RBFOX1: variants seen among roughly 807,000 people sequenced by gnomAD.
RBFOX1 encodes RNA binding protein fox-1 homolog 1.
In RBFOX1, 8 loss-of-function variants were observed where a neutral mutation model predicts 57.7. That is an observed-to-expected ratio of 0.14 (90% CI 0.08 to 0.25). The LOEUF (loss-of-function observed/expected upper bound fraction) is 0.25. RBFOX1 is among the 10% of genes least tolerant of loss of function. RBFOX1 has a pLI of 1.00. For synonymous variants in RBFOX1, 326 were observed against 222.4 expected (o/e 1.47, Z -4.15); for missense variants, 611 against 548.5 (o/e 1.11, Z -1.14).
At chr16:6,691,077 G>A (rs1334393409) in intron 3 of RBFOX1, among the ~76,000 whole-genome samples, 5 of 152,034 alleles carry the variant, frequency 3.3e-5, no homozygotes, top group Admixed American at 6.6e-5. Flanking sequence ...TTAACATGAC[G>A]ATGTCACTGT....
At chr16:7,071,316 T>C (rs1314050936) in intron 4 of RBFOX1, among the ~76,000 whole-genome samples, 1 of 152,128 alleles carries the variant, frequency 6.6e-6, no homozygotes, top group Admixed American at 6.5e-5. Context: ...GGTAGGTATA[T>C]GTAATTATAA....
chr16:7,298,562 G>A (rs2095955403), intron 4 of RBFOX1, among the ~76,000 whole-genome samples: 1 of 152,068 alleles, frequency 6.6e-6, no homozygotes, highest in African/African-American at 2.4e-5. Flanking sequence ...AAAGTGCCGG[G>A]ATTACAGGCA....
intron 1 of RBFOX1, among the ~76,000 whole-genome samples, chr16:6,202,931 C>T (rs2097224835): frequency 6.6e-6 from 1 of 151,986 alleles, no homozygotes; most frequent in Admixed American, 6.6e-5. Flanking sequence ...TGCCACCATG[C>T]CTGGATAATT....
intron 3 of RBFOX1, among the ~76,000 whole-genome samples, chr16:5,759,183 C>G (rs536563716): frequency 1.3e-5 from 2 of 152,088 alleles, no homozygotes; most frequent in African/African-American, 4.8e-5. Flanking sequence ...ACTTCCTATC[C>G]ACGAAGGCAA....
At chr16:6,297,735 C>G (rs1160752660) in intron 1 of RBFOX1, among the ~76,000 whole-genome samples, 2 of 151,952 alleles carry the variant, frequency 1.3e-5, no homozygotes, top group East Asian at 1.9e-4. Flanking sequence ...AAGAGACAAA[C>G]AGAAGGGCAG....
intron 3 of RBFOX1, among the ~76,000 whole-genome samples, chr16:6,813,338 C>G (rs1163850997): frequency 2.0e-5 from 3 of 152,186 alleles, no homozygotes; most frequent in Non-Finnish European, 4.4e-5. Context: ...TGACCACATT[C>G]ATGTAACTGC....
chr16:7,339,699 C>T (rs1210539628), intron 4 of RBFOX1, among the ~76,000 whole-genome samples: 1 of 152,206 alleles, frequency 6.6e-6, no homozygotes, highest in Non-Finnish European at 1.5e-5. Context: ...TTCAGCCTCC[C>T]AAAATGCTGG....
chr16:6,771,921 G>A (rs2078362590), intron 3 of RBFOX1, among the ~76,000 whole-genome samples: 1 of 152,156 alleles, frequency 6.6e-6, no homozygotes, highest in Admixed American at 6.5e-5. Context: ...GGCCGGAAGA[G>A]GTTATCTCCT....
At chr16:7,154,456 G>T (rs2076694881) in intron 4 of RBFOX1, among the ~76,000 whole-genome samples, 1 of 152,220 alleles carries the variant, frequency 6.6e-6, no homozygotes, top group Non-Finnish European at 1.5e-5. Flanking sequence ...TCTTTCCTAA[G>T]ATTTACCTGA....
intron 3 of RBFOX1, among the ~76,000 whole-genome samples, chr16:5,711,055 A>G (rs2051470170): frequency 6.6e-6 from 1 of 152,206 alleles, no homozygotes. Context: ...AGGGTGTTTG[A>G]TCTGGAAGGG....
At chr16:6,514,929 G>A (rs996938952) in intron 2 of RBFOX1, among the ~76,000 whole-genome samples, 4 of 151,948 alleles carry the variant, frequency 2.6e-5, no homozygotes, top group Admixed American at 6.6e-5. Flanking sequence ...GGAGAATGAG[G>A]ACATGAAGGA....
At chr16:5,420,880 T>TCCCCCCTCCTCCTCTCCCTCCCTC (rs112226339) in intron 1 of RBFOX1, among the ~76,000 whole-genome samples, 1 of 98,950 alleles carries the variant, frequency 1.0e-5, no homozygotes, top group Non-Finnish European at 2.0e-5. Context: ...TCTCCCTCCC[T>TCCCCCCTCCTCCTCTCCCTCCCTC]CCCCCTCCTC....
At chr16:6,509,518 G>A (rs557667152) in intron 2 of RBFOX1, among the ~76,000 whole-genome samples, 7 of 152,266 alleles carry the variant, frequency 4.6e-5, no homozygotes, top group African/African-American at 1.7e-4. Context: ...AAAGTAGAAG[G>A]ATGGTTACCA....
intron 4 of RBFOX1, among the ~76,000 whole-genome samples, chr16:5,993,027 C>T (rs184827589): frequency 6.6e-6 from 1 of 152,160 alleles, no homozygotes; most frequent in Non-Finnish European, 1.5e-5. Flanking sequence ...GCTGGGGGAC[C>T]CTGGGCTTGA....
rs73490688 is a variant in RBFOX1, at chr16:7,634,985, G to A, written c.757+4302G>A. On this transcript the variant is annotated intron_variant, in intron 11 of 15. Coordinates refer to ENST00000550418, the MANE Select transcript of RBFOX1 (RefSeq NM_018723.4). ...CAACCCCTTAACAGAAAGGTTTAGT[G>A]AAATGGGCAGGGCTGCTTGGTATGT... 4.0e-3 allele frequency among the ~76,000 whole-genome samples: 609 copies of A among 152,346 alleles called. 4 individuals are homozygous for A. Among genetic ancestry groups the A allele is most frequent in the African/African-American group, 0.014 (565 of 41,584 alleles).
At chr16:7,410,938 ATTAT>A (rs951843103) in intron 4 of RBFOX1, among the ~76,000 whole-genome samples, 21 of 151,258 alleles carry the variant, frequency 1.4e-4, no homozygotes, top group African/African-American at 1.9e-4. Context: ...ATCAACTTGA[ATTAT>A]TTATTTATTT....
intron 1 of RBFOX1, among the ~76,000 whole-genome samples, chr16:6,160,409 C>T (rs2096869460): frequency 6.6e-6 from 1 of 152,148 alleles, no homozygotes; most frequent in South Asian, 2.1e-4. Flanking sequence ...CTAAAATATA[C>T]TTGTCTAAAA....
At chr16:6,583,738 A>AT (rs2097568693) in intron 2 of RBFOX1, among the ~76,000 whole-genome samples, 1 of 152,194 alleles carries the variant, frequency 6.6e-6, no homozygotes, top group Non-Finnish European at 1.5e-5. Flanking sequence ...CAATTACATT[A>AT]TTTTTCAGCA....
At chr16:5,248,411 C>T (rs1391971026) in intron 1 of RBFOX1, among the ~76,000 whole-genome samples, 2 of 152,242 alleles carry the variant, frequency 1.3e-5, no homozygotes, top group African/African-American at 4.8e-5. Flanking sequence ...AGCCCAGATC[C>T]CCAGGGCCTC....
Sources: gnomAD v4.1 joint callset for allele counts (sites outside exome capture counted in the v4.1 genomes callset) on GRCh38, gnomAD v4.1.1 for gene constraint, MANE v1.5 for transcripts, NCBI Gene and HGNC (gene_info 2026-07-23, HGNC 2026-07-21) for gene names.